Variants in TCF20 observed in about 807,000 individuals in gnomAD.
TCF20 encodes SPRE-binding protein.
Under a neutral mutation model 148.6 loss-of-function variants are expected in TCF20, and 3 were observed. That is an observed-to-expected ratio of 0.02 (90% CI 0.01 to 0.05). TCF20 has a LOEUF of 0.05. Ranked by LOEUF, TCF20 falls within the 10% of genes least tolerant of loss-of-function variation. The probability of loss-of-function intolerance (pLI) is 1.00; values close to 1 mark genes in which losing one functional copy is unlikely to be tolerated. For synonymous variants in TCF20, 1,049 were observed against 909.5 expected (o/e 1.15, Z -2.76); for missense variants, 2,350 against 2,429.3 (o/e 0.97, Z 0.69).
chr22:42,251,435 G>A (rs1925356666), intron 1 of TCF20, among the ~76,000 whole-genome samples: 1 of 149,042 alleles, frequency 6.7e-6, no homozygotes, highest in Non-Finnish European at 1.5e-5. Flanking sequence ...GCCCACCTTG[G>A]CTTCCCAAAA....
At chr22:42,177,726 A>G (rs947175284) in intron 3 of TCF20, among the ~76,000 whole-genome samples, 3 of 152,232 alleles carry the variant, frequency 2.0e-5, no homozygotes, top group East Asian at 1.9e-4. Context: ...TAAGAAATAC[A>G]TATTTTAGTC....
chr22:42,233,032 T>C (rs929064186), intron 1 of TCF20, among the ~76,000 whole-genome samples: 1 of 152,108 alleles, frequency 6.6e-6, no homozygotes, highest in East Asian at 1.9e-4. Context: ...GCAATTCTCC[T>C]GCCTCAGTCT....
chr22:42,324,093 G>A (rs1927815506), intron 1 of TCF20, among the ~76,000 whole-genome samples: 1 of 146,472 alleles, frequency 6.8e-6, no homozygotes, highest in Non-Finnish European at 1.5e-5. Flanking sequence ...TGGTGGTGAT[G>A]GAGGTTATGG....
chr22:42,170,097 A>G (rs1461463262), intron 3 of TCF20, among the ~76,000 whole-genome samples: 1 of 152,182 alleles, frequency 6.6e-6, no homozygotes, highest in East Asian at 1.9e-4. Flanking sequence ...TAACATTTGA[A>G]AAGAGTTAAT....
At position 42,211,367 on chromosome 22, in the gene TCF20, C is replaced by G; in HGVS notation, c.3939G>C (p.Lys1313Asn). The G allele has an allele frequency of 6.2e-7, 1 of 1,614,168 alleles. No homozygotes were observed. The highest frequency in any genetic ancestry group is 8.5e-7 in the Non-Finnish European group (1 of 1,180,028). Residue 1313 changes from lysine to asparagine, a missense_variant, in exon 2 of 6, where the codon AAG (lysine) becomes AAC (asparagine). Lys to Asn is a moderately conservative substitution (Grantham distance 94). Coordinates refer to ENST00000677622, the MANE Select transcript of TCF20 (RefSeq NM_001378418.1). Reference sequence around the variant, plus strand: ...TTGGAAGGTCCTTGGAGGAATCTCTCTTAGGGATAGACTTGATATCCTGAC... The same window carrying G: ...TTGGAAGGTCCTTGGAGGAATCTCTGTTAGGGATAGACTTGATATCCTGAC... ...SHSQDIKSIP[K>N]RDSSKDLPSP...
Position 42,269,300 on chromosome 22 carries a change from A to G in TCF20, c.-37+1039T>C, listed in dbSNP as rs534112326. 1.8e-3 allele frequency among the ~76,000 whole-genome samples: 273 copies of G among 152,118 alleles called. 1 individual carries two copies. The highest frequency in any genetic ancestry group is 0.014 in the Middle Eastern group (4 of 294). ...TACCAGAGACATCTAATCTTCGAGG[A>G]AAAAAAAGCAAAAAGGAAAAGGGGG... On this transcript the variant is annotated intron_variant, in intron 1 of 5. Coordinates refer to ENST00000677622, the MANE Select transcript of TCF20 (RefSeq NM_001378418.1).
intron 4 of TCF20, among the ~76,000 whole-genome samples, chr22:42,169,032 T>A (rs1157256816): frequency 1.3e-5 from 2 of 151,694 alleles, no homozygotes; most frequent in Non-Finnish European, 2.9e-5. Context: ...TAAGCAAGCA[T>A]CTTTCAGGAG....
intron 1 of TCF20, among the ~76,000 whole-genome samples, chr22:42,265,683 C>T (rs1260298392): frequency 1.3e-5 from 2 of 152,166 alleles, no homozygotes; most frequent in Admixed American, 6.5e-5. Flanking sequence ...CACAAAGTCC[C>T]CATGAGTAAG....
intron 1 of TCF20, among the ~76,000 whole-genome samples, chr22:42,295,197 G>A (rs1406151994): frequency 6.6e-6 from 1 of 152,174 alleles, no homozygotes; most frequent in Admixed American, 6.5e-5. Flanking sequence ...GATGGAGAGA[G>A]AAGACAGTAA....
intron 1 of TCF20, among the ~76,000 whole-genome samples, chr22:42,305,376 G>C (rs1436841924): frequency 3.1e-4 from 47 of 152,058 alleles, no homozygotes; most frequent in Admixed American, 3.1e-3. Context: ...TTAACCCCCA[G>C]CATCCTTCTT....
intron 1 of TCF20, among the ~76,000 whole-genome samples, chr22:42,228,922 A>C (rs966030031): frequency 1.3e-5 from 2 of 152,218 alleles, no homozygotes; most frequent in African/African-American, 4.8e-5. Context: ...CTCATGAAGT[A>C]TAAGAACCGT....
intron 1 of TCF20, among the ~76,000 whole-genome samples, chr22:42,324,076 GTGGTGGTGGTGGTGA>G (rs1927813931): frequency 7.0e-6 from 1 of 143,424 alleles, no homozygotes; most frequent in Non-Finnish European, 1.6e-5. Context: ...GGTTATGGTG[GTGGTGGTGGTGGTGA>G]TGGAGGTTAT....
chr22:42,336,438 C>T (rs148321521), intron 1 of TCF20, among the ~76,000 whole-genome samples: 296 of 152,206 alleles, frequency 1.9e-3, no homozygotes, highest in Admixed American at 4.6e-3. Flanking sequence ...ATCCCTTCTC[C>T]TGCATGCATC....
intron 1 of TCF20, among the ~76,000 whole-genome samples, chr22:42,242,624 C>A (rs1415987393): frequency 6.6e-6 from 1 of 152,058 alleles, no homozygotes; most frequent in African/African-American, 2.4e-5. Flanking sequence ...AGGTGGCTCA[C>A]ACCTATAATC....
At position 42,161,972 on chromosome 22, in the gene TCF20, C is replaced by CTTTTTT. The variant is rs3045573; in HGVS notation, c.*45-620_*45-615dup. ...GCCACCATGCTTGGCTAATGACAGT[C>CTTTTTT]TTTTTTTTTTTTTTTTTTTTTTTTT... On this transcript the variant is annotated intron_variant, in intron 5 of 5. Transcript: ENST00000677622. 3.7e-3 allele frequency among the ~76,000 whole-genome samples: 281 copies of CTTTTTT among 75,002 alleles called. 52 individuals carry two copies. Among genetic ancestry groups the CTTTTTT allele is most frequent in the African/African-American group, 5.0e-3 (79 of 15,662 alleles). The allele number at this position is 75,002 out of a possible 152,430, so 49.2% of individuals were successfully genotyped here. A position where few individuals can be genotyped will look rare whatever the true frequency, so the allele number is the denominator to read the frequency against.
chr22:42,325,149 C>G (rs920432460), intron 1 of TCF20, among the ~76,000 whole-genome samples: 2 of 152,264 alleles, frequency 1.3e-5, no homozygotes, highest in African/African-American at 4.8e-5. Context: ...GCCAGCGCCC[C>G]CCTAACCAGA....
intron 2 of TCF20, among the ~76,000 whole-genome samples, chr22:42,185,054 C>T (rs1397234276): frequency 3.9e-5 from 6 of 152,204 alleles, no homozygotes; most frequent in Non-Finnish European, 8.8e-5. Context: ...AGCCTGATGC[C>T]TGCTCATTCA....
intron 2 of TCF20, among the ~76,000 whole-genome samples, chr22:42,197,914 T>C (rs1206619614): frequency 6.6e-6 from 1 of 152,222 alleles, no homozygotes; most frequent in African/African-American, 2.4e-5. Flanking sequence ...CCTGTCCTCA[T>C]GGATGCTCAT....
At chr22:42,255,497 C>CA (rs1925687977) in intron 1 of TCF20, among the ~76,000 whole-genome samples, 1 of 121,064 alleles carries the variant, frequency 8.3e-6, no homozygotes, top group Admixed American at 8.0e-5. Context: ...CAAACAACAA[C>CA]AACAACAACA....
Sources: gnomAD v4.1 joint callset for allele counts (sites outside exome capture counted in the v4.1 genomes callset) on GRCh38, gnomAD v4.1.1 for gene constraint, MANE v1.5 for transcripts, NCBI Gene and HGNC (gene_info 2026-07-23, HGNC 2026-07-21) for gene names.